Variants in DNAI7 observed in about 807,000 individuals in gnomAD.
The protein encoded by DNAI7 is dynein axonemal intermediate chain 7, also known as cancer susceptibility 1.
In DNAI7, 78 loss-of-function variants were observed where a neutral mutation model predicts 86.6. That is an observed-to-expected ratio of 0.90 (90% CI 0.75 to 1.09). DNAI7 has a LOEUF of 1.09. DNAI7 is among the 50% of genes least tolerant of loss of function. The pLI is 0.00. For synonymous variants in DNAI7, 274 were observed against 273.0 expected (o/e 1.00, Z -0.04); for missense variants, 753 against 810.2 (o/e 0.93, Z 0.86).
At chr12:25,145,443 C>A (rs990512231) in intron 8 of DNAI7, among the ~76,000 whole-genome samples, 3 of 152,110 alleles carry the variant, frequency 2.0e-5, no homozygotes, top group African/African-American at 7.2e-5. Context: ...TCTTCTTAAA[C>A]CTGGGTAGTG....
chr12:25,145,873 T>C (rs987011211), intron 8 of DNAI7, among the ~76,000 whole-genome samples: 6 of 152,218 alleles, frequency 3.9e-5, no homozygotes, highest in African/African-American at 9.6e-5. Context: ...GATGTTTCTT[T>C]GTTGAAAACT....
intron 2 of DNAI7, among the ~76,000 whole-genome samples, chr12:25,174,491 T>TAC (rs1215874508): frequency 1.3e-5 from 1 of 76,776 alleles, no homozygotes; most frequent in Admixed American, 1.4e-4. Context: ...ATATATATCA[T>TAC]ATATCCCATA....
intron 2 of DNAI7, among the ~76,000 whole-genome samples, chr12:25,169,978 G>T (rs947435458): frequency 6.6e-6 from 1 of 152,114 alleles, no homozygotes; most frequent in Non-Finnish European, 1.5e-5. Context: ...GGGTGGAAAA[G>T]CATTTCATGC....
intron 2 of DNAI7, among the ~76,000 whole-genome samples, chr12:25,163,731 C>T (rs1947108524): frequency 6.6e-6 from 1 of 152,182 alleles, no homozygotes; most frequent in Non-Finnish European, 1.5e-5. Context: ...GGTCCTCAGA[C>T]CAACCAGCCC....
At chr12:25,158,821 C>G in intron 3 of DNAI7, 1 of 465,938 alleles carries the variant, frequency 2.1e-6, no homozygotes, top group Non-Finnish European at 3.6e-6. Flanking sequence ...ATTTATGCAG[C>G]CAACAGACAC....
At chr12:25,132,153 C>T (rs575149336) in intron 9 of DNAI7, among the ~76,000 whole-genome samples, 2 of 151,980 alleles carry the variant, frequency 1.3e-5, no homozygotes, top group African/African-American at 4.8e-5. Context: ...GGAAATACAT[C>T]GTTTCATTTC....
At position 25,111,901 on chromosome 12, in the gene DNAI7, G is replaced by T. The variant is rs1192082161; in HGVS notation, c.1650C>A (p.Asp550Glu). 2 of 1,601,544 alleles carry T rather than the reference G, an allele frequency of 1.2e-6. No individual in the cohort carries two copies. Among genetic ancestry groups the T allele is most frequent in the African/African-American group, 2.7e-5 (2 of 74,322 alleles). The part of the protein sequence containing the change: ...LCMLSSIKLK[D>E]KKHISILEGT... Reference sequence around the variant, plus strand: ...CTTCCAAAATAGAGATGTGTTTCTTGTCTTTTAGTTTGATTGAAGATAACA... The same window carrying T: ...CTTCCAAAATAGAGATGTGTTTCTTTTCTTTTAGTTTGATTGAAGATAACA... Residue 550 changes from aspartate (D) to glutamate (E), a missense_variant, in exon 14 of 16, where the codon GAC becomes GAA. Transcript: ENST00000395987.
chr12:25,138,949 C>T (rs1289519489), intron 9 of DNAI7, among the ~76,000 whole-genome samples: 3 of 150,306 alleles, frequency 2.0e-5, no homozygotes, highest in African/African-American at 7.3e-5. Context: ...ACAAAATTGA[C>T]AGACCATTAG....
rs1341275110 is a variant in DNAI7 at position 25,157,243 on chromosome 12, A to G, written c.198+1229T>C. On this transcript the variant is annotated intron_variant, in intron 4 of 15. Coordinates refer to ENST00000395987, the MANE Select transcript of DNAI7 (RefSeq NM_018272.5). ...CAGAGAGCAGAGATTGTGCCACTGC[A>G]CTCCAGCCTGGGCGACAGAGAGAGA... Among the ~76,000 whole-genome samples the G allele has an allele frequency of 9.1e-5, 13 of 143,132 alleles. No individual in the cohort carries two copies. The Admixed American group carries it at 9.7e-4, about 11-fold the overall frequency. The allele number at this position is 143,132 out of a possible 152,430, so 93.9% of individuals were successfully genotyped here.
At position 25,127,003 on chromosome 12, in the gene DNAI7, T is replaced by C. The variant is rs566306975; in HGVS notation, c.1003-3717A>G. Reference sequence around the variant, plus strand: ...AACAACAGGAATTTATCAGTTTCTATAGTACCACATCATAAAGAGGATATT... The same window carrying C: ...AACAACAGGAATTTATCAGTTTCTACAGTACCACATCATAAAGAGGATATT... On this transcript the variant is annotated intron_variant, in intron 9 of 15. Transcript: ENST00000395987. 1.3e-4 allele frequency among the ~76,000 whole-genome samples: 20 copies of C among 152,334 alleles called. No homozygotes were observed. In the South Asian group the frequency reaches 1.4e-3, roughly 11 times the overall value.
intron 13 of DNAI7, among the ~76,000 whole-genome samples, chr12:25,112,411 T>G (rs575413032): frequency 6.4e-5 from 9 of 140,352 alleles, no homozygotes; most frequent in African/African-American, 8.1e-5. Flanking sequence ...TTTTTTTTTT[T>G]TTTTTTTTTT....
chr12:25,120,173 G>A (rs1291960883), intron 11 of DNAI7, among the ~76,000 whole-genome samples: 2 of 151,998 alleles, frequency 1.3e-5, no homozygotes, highest in Non-Finnish European at 2.9e-5. Context: ...AATAACGGGG[G>A]AGAAAAGGTT....
intron 12 of DNAI7, among the ~76,000 whole-genome samples, chr12:25,115,962 T>G (rs979701806): frequency 2.5e-4 from 38 of 152,254 alleles, no homozygotes; most frequent in Admixed American, 2.4e-3. Context: ...TATAGCACTT[T>G]ACATCTATGC....
Position 25,119,977 on chromosome 12 carries a change from G to C in DNAI7, c.1240-676C>G, listed in dbSNP as rs141690710. Among the ~76,000 whole-genome samples the C allele has an allele frequency of 6.6e-5, 10 of 152,250 alleles. No homozygotes were observed. The East Asian group carries it at 1.9e-3, about 29-fold the overall frequency. ...TGAGGAAAGCCTCTTTGTTGCAGGA[G>C]AGAAAAACAGCTGTGAAGGAGGACT... On this transcript the variant is annotated intron_variant, in intron 11 of 15. Transcript: ENST00000395987.
rs1012530140 is a variant in DNAI7, at chr12:25,160,419, C to G, written c.106+694G>C. Among the ~76,000 whole-genome samples, 22 of 152,346 alleles carry G rather than the reference C, an allele frequency of 1.4e-4. No individual in the cohort carries two copies. In the East Asian group the frequency reaches 1.9e-3, roughly 13 times the overall value. ...TTTTCGATTACTGACTCCACCCTGA[C>G]TCATTCTGATCACCTACTCCACACT... On this transcript the variant is annotated intron_variant, in intron 3 of 15. Transcript: ENST00000395987.
At chr12:25,163,227 GC>G (rs1947031492) in intron 2 of DNAI7, among the ~76,000 whole-genome samples, 1 of 152,168 alleles carries the variant, frequency 6.6e-6, no homozygotes, top group Non-Finnish European at 1.5e-5. Context: ...AGGCCTCTGA[GC>G]CCAAGCTAAG....
chr12:25,111,455 CTT>C (rs1335356215), intron 14 of DNAI7, among the ~76,000 whole-genome samples: 1 of 152,156 alleles, frequency 6.6e-6, no homozygotes, highest in Non-Finnish European at 1.5e-5. Flanking sequence ...GTTATTTACT[CTT>C]TTAGGAAATC....
intron 2 of DNAI7, among the ~76,000 whole-genome samples, chr12:25,174,573 G>GAT (rs1165327766): frequency 4.2e-4 from 10 of 23,890 alleles, no homozygotes; most frequent in East Asian, 2.3e-3. Flanking sequence ...ATATATATGG[G>GAT]ATATATATCA....
At chr12:25,159,502 G>A (rs139164044) in intron 3 of DNAI7, among the ~76,000 whole-genome samples, 27 of 150,738 alleles carry the variant, frequency 1.8e-4, no homozygotes, top group African/African-American at 6.3e-4. Context: ...TAAAAAATAA[G>A]CCACAATAAT....
Sources: allele counts gnomAD v4.1 joint callset (sites outside exome capture counted in the v4.1 genomes callset), GRCh38; gene constraint gnomAD v4.1.1; transcripts MANE v1.5; gene names NCBI Gene and HGNC (gene_info 2026-07-23, HGNC 2026-07-21).